Variants in TNRC6C observed in about 807,000 individuals in gnomAD.
TNRC6C encodes trinucleotide repeat-containing gene 6C protein.
Under a neutral mutation model 153.7 loss-of-function variants are expected in TNRC6C, and 20 were observed. That is an observed-to-expected ratio of 0.13 (90% confidence interval 0.09 to 0.19). The LOEUF is 0.19. TNRC6C is among the 10% of genes least tolerant of loss of function. The pLI is 1.00. For synonymous variants in TNRC6C, 811 were observed against 841.4 expected, an observed-to-expected ratio of 0.96 and a Z score of 0.63; for missense variants, 1,987 against 2,172.0, an observed-to-expected ratio of 0.91 and a Z score of 1.69.
At chr17:78,064,661 T>C (rs2072836429) in intron 3 of TNRC6C, 61 bp from the exon 6 acceptor site, 1 of 1,481,582 alleles carries the variant, frequency 6.7e-7, no homozygotes, top group Non-Finnish European at 9.4e-7. Context: ...AACTGAATTA[T>C]ATTTTTGCTT....
chr17:78,038,678 CAAAAA>C (rs751760738), intron 2 of TNRC6C, among the ~76,000 whole-genome samples: 4 of 61,240 alleles, frequency 6.5e-5, no homozygotes, highest in African/African-American at 5.2e-5. Flanking sequence ...GACTCCGTGT[CAAAAA>C]AAAAAAAAAA....
At chr17:78,084,567 A>G (rs1428136896) in intron 11 of TNRC6C, among the ~76,000 whole-genome samples, 3 of 151,480 alleles carry the variant, frequency 2.0e-5, no homozygotes, top group East Asian at 1.9e-4. Flanking sequence ...AGCTCTAGAC[A>G]TGAGGTCAGG....
upstream of TNRC6C, among the ~76,000 whole-genome samples, chr17:77,958,196 G>A (rs1470698357): frequency 2.6e-5 from 4 of 152,054 alleles, no homozygotes; most frequent in East Asian, 7.7e-4. Context: ...ACAGCATAAA[G>A]CCCGGGCGCC....
At chr17:77,987,130 A>G (rs2071181620) in intron 1 of TNRC6C, among the ~76,000 whole-genome samples, 1 of 152,216 alleles carries the variant, frequency 6.6e-6, no homozygotes, top group Non-Finnish European at 1.5e-5. Flanking sequence ...TGTATTTAAC[A>G]TGTATAAACT....
intron 13 of TNRC6C, among the ~76,000 whole-genome samples, chr17:78,089,518 T>C (rs1374860591): frequency 6.6e-6 from 1 of 152,272 alleles, no homozygotes; most frequent in African/African-American, 2.4e-5. Context: ...ACTCATCAAT[T>C]CATGTAAAGA....
chr17:78,070,748 G>C (rs1170240233), intron 5 of TNRC6C, among the ~76,000 whole-genome samples: 2 of 152,080 alleles, frequency 1.3e-5, no homozygotes, highest in East Asian at 1.9e-4. Context: ...ACTTCACATA[G>C]GGCTGTGTTC....
chr17:77,980,284 A>T (rs1007617887), intron 1 of TNRC6C, among the ~76,000 whole-genome samples: 5 of 152,214 alleles, frequency 3.3e-5, no homozygotes, highest in Non-Finnish European at 5.9e-5. Context: ...AAAAATTTTT[A>T]AAGTAAAAAT....
At chr17:78,001,267 G>GTA (rs1303213382), upstream of TNRC6C, among the ~76,000 whole-genome samples, 1 of 152,196 alleles carries the variant, frequency 6.6e-6, no homozygotes, top group Non-Finnish European at 1.5e-5. Flanking sequence ...ACCATATGAG[G>GTA]TATAGGTAAT....
rs753818548 is a variant in TNRC6C at position 78,102,457 on chromosome 17, C to T, written c.4502-17C>T. 1.9e-6 allele frequency: 3 copies of T among 1,601,076 alleles called. No individual in the cohort carries two copies. Among genetic ancestry groups the T allele is most frequent in the Non-Finnish European group, 2.6e-6 (3 of 1,173,876 alleles). Reference sequence around the variant, plus strand: ...GGCACGGGGCCTTGTCAACCAGGTTCTCCCCTCTTGTTGCAGGTTCTGCCT... The same window carrying T: ...GGCACGGGGCCTTGTCAACCAGGTTTTCCCCTCTTGTTGCAGGTTCTGCCT... On this transcript the variant is annotated splice_polypyrimidine_tract_variant and intron_variant, in intron 17 of 19. Coordinates refer to ENST00000301624, the Ensembl canonical transcript of TNRC6C.
chr17:78,069,488 GTCC>G (rs1473122209), intron 5 of TNRC6C, among the ~76,000 whole-genome samples: 1 of 152,084 alleles, frequency 6.6e-6, no homozygotes, highest in Admixed American at 6.5e-5. Context: ...GGCTCGAATT[GTCC>G]TCCTGCCTCA....
At chr17:78,022,807 TTAAC>T (rs1352811628) in intron 1 of TNRC6C, among the ~76,000 whole-genome samples, 21 of 152,232 alleles carry the variant, frequency 1.4e-4, no homozygotes, top group South Asian at 4.1e-4. Context: ...ATCCATGGAT[TTAAC>T]TAACTGTCAA....
chr17:77,961,585 A>G (rs898358261), intron 1 of TNRC6C, among the ~76,000 whole-genome samples: 2 of 152,170 alleles, frequency 1.3e-5, no homozygotes, highest in African/African-American at 4.8e-5. Flanking sequence ...AGTATATGTA[A>G]GTGTTGGTTT....
intron 2 of TNRC6C, among the ~76,000 whole-genome samples, chr17:78,038,096 TG>T (rs2072216466): frequency 6.6e-6 from 1 of 152,118 alleles, no homozygotes; most frequent in Non-Finnish European, 1.5e-5. Context: ...TACAGAAAGA[TG>T]ACGTAAGAGA....
chr17:78,104,719 C>T lies in TNRC6C; in HGVS notation c.4947C>T (p.Gly1649=), dbSNP rs567114253. The T allele has an allele frequency of 4.7e-5, 72 of 1,534,370 alleles. No individual in the cohort carries two copies. Among genetic ancestry groups the T allele is most frequent in the East Asian group, 7.4e-5 (3 of 40,646 alleles). The change falls in exon 20 of 20, where the codon GGC becomes GGT. Residue 1649 remains glycine (G), a synonymous_variant. Transcript: ENST00000301624. The surrounding 1 kb of genome is among the most constrained non-coding windows in gnomAD (Gnocchi z 6.2). ...AGGGGAGCAGTGAGCTGCTGTGGGG[C>T]GGGGTGCCCCAGTACTCCAGCAGCC...
chr17:78,099,047 GGT>G (rs1278817730), intron 17 of TNRC6C, among the ~76,000 whole-genome samples: 1 of 152,224 alleles, frequency 6.6e-6, no homozygotes, highest in African/African-American at 2.4e-5. Flanking sequence ...GCTTCTCTCA[GGT>G]GCTGCATGTC....
At chr17:78,095,060 T>C (rs566489739) in intron 16 of TNRC6C, among the ~76,000 whole-genome samples, 70 of 152,208 alleles carry the variant, frequency 4.6e-4, no homozygotes, top group African/African-American at 1.6e-3. Flanking sequence ...AAAATTAGCA[T>C]ATTTTGAGGG....
exon 3 of TNRC6C, chr17:78,048,942 G>A (rs2072462707): frequency 1.5e-6 from 2 of 1,314,134 alleles, no homozygotes; most frequent in Non-Finnish European, 1.9e-6. Flanking sequence ...GGGATAAAGT[G>A]ATAATAGATA....
At chr17:77,966,495 A>C (rs2070897687) in intron 1 of TNRC6C, among the ~76,000 whole-genome samples, 1 of 151,862 alleles carries the variant, frequency 6.6e-6, no homozygotes, top group Non-Finnish European at 1.5e-5. Context: ...AATGAGTTCT[A>C]AGAGGCATAG....
At chr17:78,046,772 CTTTCA>C (rs1312045749) in intron 2 of TNRC6C, among the ~76,000 whole-genome samples, 1 of 152,290 alleles carries the variant, frequency 6.6e-6, no homozygotes, top group Admixed American at 6.5e-5. Context: ...AAGGGATCTA[CTTTCA>C]TTTCATGTGG....
Sources: allele counts gnomAD v4.1 joint callset (sites outside exome capture counted in the v4.1 genomes callset), GRCh38; gene constraint gnomAD v4.1.1; non-coding constraint Gnocchi (gnomAD v3.1); transcripts MANE v1.5; gene names NCBI Gene and HGNC (gene_info 2026-07-23, HGNC 2026-07-21).